Variants in BTBD8 observed in about 807,000 individuals in gnomAD.
The protein encoded by BTBD8 is BTB domain containing 8.
In BTBD8, 110 loss-of-function variants were observed where a neutral mutation model predicts 162.9. The ratio of observed to expected loss-of-function variants is 0.68; its 90% CI spans 0.58 to 0.79. The LOEUF (loss-of-function observed/expected upper bound fraction) is 0.79, where lower values mean the gene tolerates loss of function less well. Ranked by LOEUF, BTBD8 falls within the 30% of genes least tolerant of loss-of-function variation. BTBD8 has a pLI of 0.00. For synonymous variants in BTBD8, 667 were observed against 716.1 expected (o/e 0.93, Z 1.10); for missense variants, 1,905 against 2,085.4 (o/e 0.91, Z 1.68).
chr1:92,171,830 C>T (rs1650554329), intron 13 of BTBD8, among the ~76,000 whole-genome samples: 1 of 152,228 alleles, frequency 6.6e-6, no homozygotes, highest in Non-Finnish European at 1.5e-5. Context: ...GTGGCTCACG[C>T]CTGTAATCCC....
chr1:92,139,167 T>C lies in BTBD8; in HGVS notation c.753-183T>C, dbSNP rs1196800814. Among the ~76,000 whole-genome samples, 3 of 152,164 alleles carry C rather than the reference T, an allele frequency of 2.0e-5. No individual in the cohort carries two copies. In the East Asian group the frequency reaches 5.8e-4, roughly 29 times the overall value. On this transcript the variant is annotated intron_variant, in intron 5 of 17. Coordinates refer to ENST00000636805, the MANE Select transcript of BTBD8 (RefSeq NM_001376131.1). ...TAACCTTGTATAACTTATATAAAAA[T>C]CCATTGTTGTAGTTCTGTTTAAATT...
rs556447016 is a variant in BTBD8 at position 92,161,511 on chromosome 1, A to G, written c.1123-5447A>G. Among the ~76,000 whole-genome samples the G allele has an allele frequency of 4.6e-5, 7 of 152,378 alleles. No homozygotes were observed. In the South Asian group the frequency reaches 1.4e-3, roughly 32 times the overall value. On this transcript the variant is annotated intron_variant, in intron 9 of 17. Coordinates refer to ENST00000636805, the MANE Select transcript of BTBD8 (RefSeq NM_001376131.1). ...TATTTATAACACTAATTTTCCTAATATAGAGAGTTTCTACAAATTGATTTT... is the reference window on the plus strand; with the variant it reads ...TATTTATAACACTAATTTTCCTAATGTAGAGAGTTTCTACAAATTGATTTT...
chr1:92,177,144 G>A lies in BTBD8; in HGVS notation c.1951G>A (p.Glu651Lys). ...AGAAAATGGTGATAAGGCACGGTTG[G>A]AAAACATGTCACCTAGACAAGTTGT... The part of the protein sequence containing the change: ...KTENGDKARL[E>K]NMSPRQVVER... The change falls in exon 14 of 18, where the codon GAA becomes AAA. Residue 651 changes from glutamate (E) to lysine (K), a missense_variant. Transcript: ENST00000636805. The A allele has an allele frequency of 6.4e-7, 1 of 1,551,742 alleles. No individual in the cohort carries two copies. The highest frequency in any genetic ancestry group is 8.7e-7 in the Non-Finnish European group (1 of 1,147,006).
chr1:92,088,938 T>C (rs930650851), intron 2 of BTBD8, 43 bp downstream of exon 2: 1 of 1,456,554 alleles, frequency 6.9e-7, no homozygotes, highest in Admixed American at 2.1e-5. Flanking sequence ...ATGTAATTGC[T>C]TATTTTTAAC....
intron 2 of BTBD8, 53 bp from the exon 3 acceptor site, chr1:92,102,420 T>C (rs1648612613): frequency 8.3e-7 from 1 of 1,207,956 alleles, no homozygotes; most frequent in Non-Finnish European, 1.1e-6. Flanking sequence ...GCATTCTTTC[T>C]TTTTAAGAAT....
At chr1:92,126,404 C>T (rs149840443) in intron 4 of BTBD8, 1 of 841,032 alleles carries the variant, frequency 1.2e-6, no homozygotes, top group Non-Finnish European at 1.9e-6. Flanking sequence ...GTGCTCTTGC[C>T]CAGGCTCAGA....
intron 1 of BTBD8, among the ~76,000 whole-genome samples, chr1:92,084,080 C>T (rs1648091550): frequency 6.6e-6 from 1 of 152,080 alleles, no homozygotes; most frequent in South Asian, 2.1e-4. Flanking sequence ...TGAGAAAGAG[C>T]CAAGTTATTC....
At chr1:92,140,730 A>G (rs1300931325) in intron 6 of BTBD8, among the ~76,000 whole-genome samples, 1 of 152,242 alleles carries the variant, frequency 6.6e-6, no homozygotes, top group African/African-American at 2.4e-5. Flanking sequence ...ATATGATCAG[A>G]CATTAGTGAA....
chr1:92,184,285 G>A lies in BTBD8; in HGVS notation c.5334G>A (p.Ser1778=), dbSNP rs41286793. The A allele has an allele frequency of 0.011, 17,572 of 1,551,312 alleles. 122 individuals carry two copies. The highest frequency in any genetic ancestry group is 0.014 in the Non-Finnish European group (15,589 of 1,146,702). Residue 1778 remains serine (S), a synonymous_variant, in exon 18 of 18, where the codon TCG becomes TCA. Transcript: ENST00000636805. ...CTAGTTTTTCCTCTGAAGATTGTTC[G>A]CCTCAAGGCGAGTGGACAATTCTGG... is the stretch of plus-strand genomic sequence containing the variant. ...TMASFSSEDC[S]PQGEWTILEL... is the part of the protein sequence containing the mutation.
At chr1:92,162,322 C>G (rs989089227) in intron 9 of BTBD8, among the ~76,000 whole-genome samples, 1 of 152,200 alleles carries the variant, frequency 6.6e-6, no homozygotes, top group Non-Finnish European at 1.5e-5. Flanking sequence ...CTGTGCAAAC[C>G]TGGCAGTGAA....
At position 92,177,201 on chromosome 1, in the gene BTBD8, A is replaced by G. The variant is rs1650742430; in HGVS notation, c.2008A>G (p.Thr670Ala). The G allele has an allele frequency of 6.4e-7, 1 of 1,551,840 alleles. No individual in the cohort carries two copies. The highest frequency in any genetic ancestry group is 1.2e-5 in the South Asian group (1 of 84,070). The change falls in exon 14 of 18, where the codon ACT becomes GCT. Residue 670 changes from threonine to alanine, a missense_variant. Coordinates refer to ENST00000636805, the MANE Select transcript of BTBD8 (RefSeq NM_001376131.1). ...ATCAGCAACAGCAGCAGCAGCAGCA[A>G]CTGGACAGAAGAATTTACTAAATGG... Reference protein sequence around the residue: ...ERSATAAAAATGQKNLLNGKG... With the variant: ...ERSATAAAAAAGQKNLLNGKG...
At chr1:92,164,971 A>T (rs1009968636) in intron 9 of BTBD8, among the ~76,000 whole-genome samples, 3 of 151,854 alleles carry the variant, frequency 2.0e-5, no homozygotes, top group Non-Finnish European at 4.4e-5. Context: ...TTTAAAAAAA[A>T]TTAGCTGGGT....
chr1:92,170,071 CG>C (rs1650497747), intron 12 of BTBD8, among the ~76,000 whole-genome samples: 1 of 152,020 alleles, frequency 6.6e-6, no homozygotes, highest in South Asian at 2.1e-4. Flanking sequence ...AGCTCTCTTC[CG>C]ATTAGTAGCA....
At position 92,155,887 on chromosome 1, in the gene BTBD8, T is replaced by G. The variant is rs896058642; in HGVS notation, c.1122+8101T>G. 4.6e-5 allele frequency among the ~76,000 whole-genome samples: 7 copies of G among 152,296 alleles called. No individual in the cohort carries two copies. In the South Asian group the frequency reaches 1.5e-3, roughly 32 times the overall value. ...ATGTTATCTGCAAGCAGGGACAATT[T>G]TACTTCTTCCTTTACAGTTTGGATG... On this transcript the variant is annotated intron_variant, in intron 9 of 17. Coordinates refer to ENST00000636805, the MANE Select transcript of BTBD8 (RefSeq NM_001376131.1).
rs1237239987 is a variant in BTBD8 at position 92,180,999 on chromosome 1, C to A, written c.3316C>A (p.Pro1106Thr). Residue 1106 changes from proline to threonine, a missense_variant, in exon 17 of 18, where the codon CCA (proline) becomes ACA (threonine). Coordinates refer to ENST00000636805, the MANE Select transcript of BTBD8 (RefSeq NM_001376131.1). ...AAATGAAAACTCCTTGAACTCTAAT[C>A]CAGTTTGTGATTTAGACTCAACAAG... ...NPNENSLNSN[P>T]VCDLDSTSAG... The A allele has an allele frequency of 6.4e-7, 1 of 1,551,766 alleles. No individual in the cohort carries two copies. The highest frequency in any genetic ancestry group is 2.4e-5 in the East Asian group (1 of 40,910).
At chr1:92,138,865 CCTTTT>C (rs1261256770) in intron 5 of BTBD8, among the ~76,000 whole-genome samples, 4 of 152,226 alleles carry the variant, frequency 2.6e-5, no homozygotes, top group African/African-American at 9.6e-5. Flanking sequence ...TTAAGTCATG[CCTTTT>C]CTTTTTCATT....
At chr1:92,144,004 C>T (rs1390521149) in intron 7 of BTBD8, among the ~76,000 whole-genome samples, 1 of 135,644 alleles carries the variant, frequency 7.4e-6, no homozygotes, top group Non-Finnish European at 1.6e-5. Context: ...TTGGAGGCTC[C>T]CTCTGTCACC....
At chr1:92,170,294 T>G (rs1175046013) in intron 12 of BTBD8, among the ~76,000 whole-genome samples, 1 of 152,178 alleles carries the variant, frequency 6.6e-6, no homozygotes, top group Non-Finnish European at 1.5e-5. Flanking sequence ...GTAATAATAA[T>G]GTTTTAATCT....
At chr1:92,177,989 C>T in intron 15 of BTBD8, 91 bp downstream of exon 15, 3 of 635,300 alleles carry the variant, frequency 4.7e-6, no homozygotes, top group Non-Finnish European at 5.3e-6. Flanking sequence ...TTTAAAATAT[C>T]TTTTATTTTT....
Sources: allele counts gnomAD v4.1 joint callset (sites outside exome capture counted in the v4.1 genomes callset), GRCh38; gene constraint gnomAD v4.1.1; transcripts MANE v1.5; gene names NCBI Gene and HGNC (gene_info 2026-07-23, HGNC 2026-07-21).